Variants in CSGALNACT1 observed in about 807,000 individuals in gnomAD.
CSGALNACT1 encodes chondroitin sulfate N-acetylgalactosaminyltransferase 1, also known as beta4GalNAcT-1.
Under a neutral mutation model 51.0 loss-of-function variants are expected in CSGALNACT1, and 52 were observed. The observed-to-expected ratio is 1.02, with a 90% CI of 0.82 to 1.29. The LOEUF is 1.29. CSGALNACT1 is among the 50% of genes most tolerant of loss of function. The pLI is 0.00. For synonymous variants in CSGALNACT1, 341 were observed against 254.4 expected, an observed-to-expected ratio of 1.34 and a Z score of -3.24; for missense variants, 935 against 679.2, an observed-to-expected ratio of 1.38 and a Z score of -4.19.
At chr8:19,590,265 G>A (rs1209259254) in intron 3 of CSGALNACT1, among the ~76,000 whole-genome samples, 1 of 152,192 alleles carries the variant, frequency 6.6e-6, no homozygotes, top group African/African-American at 2.4e-5. Flanking sequence ...GTACGCTGAG[G>A]CATCAAAGGG....
intron 2 of CSGALNACT1, among the ~76,000 whole-genome samples, chr8:19,597,926 G>A (rs538883168): frequency 2.8e-4 from 42 of 152,326 alleles, no homozygotes; most frequent in African/African-American, 9.9e-4. Flanking sequence ...GAACAATAGG[G>A]AAAATAAGGC....
At chr8:19,725,262 G>T (rs1194682747) in intron 1 of CSGALNACT1, among the ~76,000 whole-genome samples, 1 of 152,190 alleles carries the variant, frequency 6.6e-6, no homozygotes, top group Non-Finnish European at 1.5e-5. Context: ...AGAGATGGCT[G>T]AGTTTTGGAA....
chr8:19,580,947 T>G (rs771366335), intron 3 of CSGALNACT1, among the ~76,000 whole-genome samples: 10 of 151,978 alleles, frequency 6.6e-5, no homozygotes, highest in Non-Finnish European at 1.5e-4. Context: ...GAAAATCTAA[T>G]CAGAAGCACA....
At chr8:19,547,077 G>C (rs763215276) in intron 3 of CSGALNACT1, among the ~76,000 whole-genome samples, 48 of 152,130 alleles carry the variant, frequency 3.2e-4, no homozygotes, top group Non-Finnish European at 5.0e-4. Flanking sequence ...CTATACCCAA[G>C]AATATAACAA....
intron 1 of CSGALNACT1, among the ~76,000 whole-genome samples, chr8:19,731,538 A>G (rs2063695702): frequency 6.6e-6 from 1 of 152,090 alleles, no homozygotes; most frequent in Admixed American, 6.6e-5. Flanking sequence ...GTTTACTGAC[A>G]CATCATCTTA....
intron 6 of CSGALNACT1, among the ~76,000 whole-genome samples, chr8:19,432,243 T>G (rs958946762): frequency 6.6e-6 from 1 of 152,190 alleles, no homozygotes; most frequent in African/African-American, 2.4e-5. Flanking sequence ...ACAGAATTAT[T>G]AGTTGAAATC....
chr8:19,705,637 T>C (rs1192370139), intron 1 of CSGALNACT1, among the ~76,000 whole-genome samples: 3 of 151,998 alleles, frequency 2.0e-5, no homozygotes, highest in Non-Finnish European at 2.9e-5. Flanking sequence ...CTCGGAAGCC[T>C]GAGGTGGGAG....
chr8:19,538,077 G>A (rs1186094301), intron 3 of CSGALNACT1, among the ~76,000 whole-genome samples: 5 of 152,140 alleles, frequency 3.3e-5, no homozygotes, highest in African/African-American at 7.2e-5. Flanking sequence ...CAGTGTTTTG[G>A]GAGGCTGAGG....
intron 4 of CSGALNACT1, among the ~76,000 whole-genome samples, chr8:19,473,251 AT>A (rs932210355): frequency 1.3e-5 from 2 of 152,140 alleles, no homozygotes; most frequent in Admixed American, 6.5e-5. Context: ...TTGCTAGAGG[AT>A]TTTTTTGATA....
intron 8 of CSGALNACT1, among the ~76,000 whole-genome samples, chr8:19,415,320 C>T (rs1391830794): frequency 6.6e-6 from 1 of 152,226 alleles, no homozygotes; most frequent in Non-Finnish European, 1.5e-5. Flanking sequence ...AAAACATAAG[C>T]ATACTCTTCT....
At chr8:19,478,673 T>G (rs2153901629) in intron 4 of CSGALNACT1, among the ~76,000 whole-genome samples, 1 of 152,238 alleles carries the variant, frequency 6.6e-6, no homozygotes, top group Admixed American at 6.5e-5. Flanking sequence ...TTCAAAGCAA[T>G]TCTAGGAGTT....
At chr8:19,733,625 G>A (rs1349758480) in intron 1 of CSGALNACT1, among the ~76,000 whole-genome samples, 1 of 152,030 alleles carries the variant, frequency 6.6e-6, no homozygotes, top group Non-Finnish European at 1.5e-5. Context: ...TGCACTCTGT[G>A]TGCCGAGTGG....
intron 6 of CSGALNACT1, among the ~76,000 whole-genome samples, chr8:19,427,078 A>G (rs1183190170): frequency 6.6e-6 from 1 of 152,226 alleles, no homozygotes; most frequent in Non-Finnish European, 1.5e-5. Context: ...GTTATCATCC[A>G]ATTTTTCATA....
At chr8:19,486,809 C>T (rs561378064) in intron 4 of CSGALNACT1, among the ~76,000 whole-genome samples, 1 of 152,308 alleles carries the variant, frequency 6.6e-6, no homozygotes, top group African/African-American at 2.4e-5. Context: ...TTATCATCTC[C>T]TCAACTAGAA....
At chr8:19,572,043 A>G (rs2043158914) in intron 3 of CSGALNACT1, among the ~76,000 whole-genome samples, 1 of 152,212 alleles carries the variant, frequency 6.6e-6, no homozygotes, top group African/African-American at 2.4e-5. Flanking sequence ...TGGATAGAAA[A>G]CATCAGCCAC....
At chr8:19,700,541 A>C (rs1390231167) in intron 1 of CSGALNACT1, among the ~76,000 whole-genome samples, 1 of 152,198 alleles carries the variant, frequency 6.6e-6, no homozygotes, top group Non-Finnish European at 1.5e-5. Flanking sequence ...CCTCACCATT[A>C]ATCAGGGAGG....
rs574865935 is a variant in CSGALNACT1, at chr8:19,554,993, A to C, written c.-297+36167T>G. On this transcript the variant is annotated intron_variant, in intron 3 of 9. Coordinates refer to ENST00000454498, the Ensembl canonical transcript of CSGALNACT1. ...GGTGGCTCATGCCTGTAATCCCAGCATTTAGGGACGCCGAGCGGGGGTGAA... is the reference window on the plus strand; with the variant it reads ...GGTGGCTCATGCCTGTAATCCCAGCCTTTAGGGACGCCGAGCGGGGGTGAA... Among the ~76,000 whole-genome samples the C allele has an allele frequency of 1.7e-4, 25 of 151,418 alleles. 1 individual carries two copies. Among genetic ancestry groups the C allele is most frequent in the Non-Finnish European group, 3.4e-4 (23 of 67,856 alleles).
intron 5 of CSGALNACT1, among the ~76,000 whole-genome samples, chr8:19,450,524 G>T (rs1264965469): frequency 1.3e-5 from 2 of 152,084 alleles, no homozygotes; most frequent in African/African-American, 4.8e-5. Context: ...AGCCTGTGAG[G>T]GTCCCACATC....
intron 1 of CSGALNACT1, among the ~76,000 whole-genome samples, chr8:19,746,087 G>A (rs1423107142): frequency 1.3e-5 from 2 of 152,142 alleles, no homozygotes. Flanking sequence ...ACAAATGGAA[G>A]TTTCTTAAGT....
Sources: gnomAD v4.1 joint callset for allele counts (sites outside exome capture counted in the v4.1 genomes callset) on GRCh38, gnomAD v4.1.1 for gene constraint, MANE v1.5 for transcripts, NCBI Gene and HGNC (gene_info 2026-07-23, HGNC 2026-07-21) for gene names.